The following NRG4 variants were observed in gnomAD, a reference collection of about 807,000 sequenced individuals.
The protein encoded by NRG4 is neuregulin 4, also known as pro-neuregulin-4, membrane-bound isoform.
Under a neutral mutation model 15.0 loss-of-function variants are expected in NRG4, and 10 were observed. The observed-to-expected ratio is 0.67, with a 90% CI of 0.41 to 1.13. The LOEUF (loss-of-function observed/expected upper bound fraction) is 1.13. Among genes scored for constraint, NRG4 ranks in the 50% most tolerant of loss-of-function variants. The pLI, the probability that NRG4 is intolerant of heterozygous loss-of-function variation, is 0.00. For synonymous variants in NRG4, 41 were observed against 50.1 expected, an observed-to-expected ratio of 0.82 and a Z score of 0.77; for missense variants, 139 against 140.2, an observed-to-expected ratio of 0.99 and a Z score of 0.04.
intron 3 of NRG4, among the ~76,000 whole-genome samples, chr15:75,966,845 G>A (rs539247931): frequency 9.2e-5 from 14 of 152,214 alleles, no homozygotes; most frequent in African/African-American, 1.7e-4. Flanking sequence ...AGCTGGGCGC[G>A]GTGGCTCACA....
chr15:75,988,853 CT>C (rs71444946), intron 3 of NRG4, among the ~76,000 whole-genome samples: 2,671 of 109,638 alleles, frequency 0.024, 47 homozygotes, highest in African/African-American at 0.078. Flanking sequence ...CTGCACCTTC[CT>C]TTTTTTTTTT....
At chr15:75,937,508 C>CAAAAAAAAA (rs58256641), downstream of NRG4, 1 of 83,222 alleles carries the variant, frequency 1.2e-5, no homozygotes, top group Non-Finnish European at 2.5e-5. Context: ...GACTCTGTCT[C>CAAAAAAAAA]AAAAAAAAAA....
intron 3 of NRG4, among the ~76,000 whole-genome samples, chr15:75,987,950 T>C (rs2033858643): frequency 1.3e-5 from 2 of 152,138 alleles, no homozygotes; most frequent in South Asian, 4.1e-4. Context: ...CTAGGAAGCG[T>C]GTTTGAAGAG....
intron 5 of NRG4, among the ~76,000 whole-genome samples, chr15:76,028,929 T>G (rs1291722636): frequency 7.2e-6 from 1 of 139,262 alleles, no homozygotes; most frequent in East Asian, 2.1e-4. Flanking sequence ...AAAAAAAAAC[T>G]GTGATAGCAC....
chr15:75,957,340 T>C (rs1221572971), intron 4 of NRG4, among the ~76,000 whole-genome samples: 1 of 152,212 alleles, frequency 6.6e-6, no homozygotes, highest in African/African-American at 2.4e-5. Context: ...AAAGTTGTCT[T>C]CATCTTACCC....
intron 5 of NRG4, among the ~76,000 whole-genome samples, chr15:76,024,376 C>G (rs553853862): frequency 6.6e-6 from 1 of 152,174 alleles, no homozygotes; most frequent in African/African-American, 2.4e-5. Flanking sequence ...GCCAGAGAAA[C>G]AACTCCAGGA....
chr15:75,944,394 A>G (rs1396543326), intron 5 of NRG4, among the ~76,000 whole-genome samples: 1 of 152,214 alleles, frequency 6.6e-6, no homozygotes, highest in African/African-American at 2.4e-5. Context: ...GCATTAGGGC[A>G]TTATTGCAGT....
intron 1 of NRG4, among the ~76,000 whole-genome samples, chr15:76,059,331 G>C (rs2036236913): frequency 6.6e-6 from 1 of 152,224 alleles, no homozygotes; most frequent in Admixed American, 6.5e-5. Context: ...CACAGAAAGA[G>C]GTGTTTTCCC....
rs993522802 is a variant in NRG4 at position 75,942,904 on chromosome 15, A to C, written c.*734T>G. On this transcript the variant is annotated 3_prime_UTR_variant, in exon 6 of 6. Transcript: ENST00000394907. ...AGTTCTTAATATTGCACCTAAAAAG[A>C]TAGAAACTGCATTCTGAAAAATCAT... The C allele has an allele frequency of 6.6e-6, 1 of 152,236 alleles. No homozygotes were observed. Among genetic ancestry groups the C allele is most frequent in the Non-Finnish European group, 1.5e-5 (1 of 68,062 alleles). The allele number at this position is 152,236 out of a possible 1,614,324, so 9.4% of individuals were successfully genotyped here.
intron 3 of NRG4, among the ~76,000 whole-genome samples, chr15:75,997,111 GA>G (rs1031001311): frequency 1.3e-5 from 2 of 151,646 alleles, no homozygotes; most frequent in Non-Finnish European, 2.9e-5. Context: ...TTTAATGAGA[GA>G]AAAAAATATG....
At chr15:75,998,917 C>T (rs867971456) in intron 3 of NRG4, among the ~76,000 whole-genome samples, 3 of 152,024 alleles carry the variant, frequency 2.0e-5, no homozygotes, top group Non-Finnish European at 4.4e-5. Context: ...TTCTAAAGTT[C>T]ATATGGAAAA....
chr15:75,961,757 A>T, intron 4 of NRG4, 71 bp downstream of exon 4: 1 of 1,042,288 alleles, frequency 9.6e-7, no homozygotes, highest in South Asian at 1.5e-5. Context: ...AACTAAGGGC[A>T]TATTAATTAT....
rs111770390 is a variant in NRG4 at position 75,993,293 on chromosome 15, T to G, written c.104+15907A>C. On this transcript the variant is annotated intron_variant, in intron 3 of 5. Coordinates refer to ENST00000394907, the MANE Select transcript of NRG4 (RefSeq NM_138573.4). ...GACCATCATTTCTTTAAATATTGTT[T>G]TTTTTTTTTTCCTGCTGTGTTCTCT... Among the ~76,000 whole-genome samples the G allele has an allele frequency of 9.8e-3, 1,477 of 150,818 alleles. 27 individuals are homozygous for G. The highest frequency in any genetic ancestry group is 0.033 in the African/African-American group (1,359 of 41,122).
chr15:75,977,368 A>T lies in NRG4; in HGVS notation c.105-15394T>A, dbSNP rs961226763. Reference sequence around the variant, plus strand: ...CTGGTGTTGCAGGCGCCACTGGGGTATGAAAAACCCCTGCAGCTAGCTCTG... The same window carrying T: ...CTGGTGTTGCAGGCGCCACTGGGGTTTGAAAAACCCCTGCAGCTAGCTCTG... On this transcript the variant is annotated intron_variant, in intron 3 of 5. Coordinates refer to ENST00000394907, the MANE Select transcript of NRG4 (RefSeq NM_138573.4). The surrounding 1 kb of genome is among the most constrained non-coding windows in gnomAD (Gnocchi z 4.9). Among the ~76,000 whole-genome samples the T allele has an allele frequency of 3.9e-5, 6 of 152,142 alleles. No individual in the cohort carries two copies. The highest frequency in any genetic ancestry group is 1.4e-4 in the African/African-American group (6 of 41,446).
At chr15:76,058,106 G>C (rs2959851) in intron 1 of NRG4, among the ~76,000 whole-genome samples, 9,251 of 152,168 alleles carry the variant, frequency 0.061, 620 homozygotes, top group African/African-American at 0.17. Context: ...AAATGGAGTG[G>C]ATAACAATCT....
chr15:75,954,071 T>G (rs2032076170), intron 5 of NRG4, among the ~76,000 whole-genome samples: 1 of 152,154 alleles, frequency 6.6e-6, no homozygotes, highest in Non-Finnish European at 1.5e-5. Flanking sequence ...TGTTCCCTCC[T>G]CTCTCTTATC....
intron 4 of NRG4, among the ~76,000 whole-genome samples, chr15:76,043,023 A>C (rs2035783233): frequency 1.3e-5 from 2 of 152,232 alleles, no homozygotes; most frequent in Admixed American, 1.3e-4. Flanking sequence ...AATGTGATAC[A>C]TCATATCAAA....
chr15:75,975,230 G>T (rs2033311871), intron 3 of NRG4, among the ~76,000 whole-genome samples: 1 of 151,166 alleles, frequency 6.6e-6, no homozygotes, highest in Admixed American at 6.6e-5. Flanking sequence ...CCTTTATTTT[G>T]AGCCTATATG....
At chr15:75,959,967 C>CAGT in intron 4 of NRG4, among the ~76,000 whole-genome samples, 1 of 152,098 alleles carries the variant, frequency 6.6e-6, no homozygotes, top group Admixed American at 6.5e-5. Flanking sequence ...AGTTTGAGTC[C>CAGT]TTAAGTGACT....
Sources: allele counts gnomAD v4.1 joint callset (sites outside exome capture counted in the v4.1 genomes callset), GRCh38; gene constraint gnomAD v4.1.1; non-coding constraint Gnocchi (gnomAD v3.1); transcripts MANE v1.5; gene names NCBI Gene and HGNC (gene_info 2026-07-23, HGNC 2026-07-21).